Variants in POLDIP3 observed in about 807,000 individuals in gnomAD.
POLDIP3 encodes DNA polymerase delta interacting protein 3.
Under a neutral mutation model 45.1 loss-of-function variants are expected in POLDIP3, and 14 were observed. The ratio of observed to expected loss-of-function variants is 0.31; its 90% CI spans 0.20 to 0.49. POLDIP3 has a LOEUF of 0.49. Among genes scored for constraint, POLDIP3 ranks in the 20% least tolerant of loss-of-function variants. The pLI, the probability that POLDIP3 is intolerant of heterozygous loss-of-function variation, is 0.99. For synonymous variants in POLDIP3, 223 were observed against 205.2 expected (o/e 1.09, Z -0.74); for missense variants, 511 against 538.8 (o/e 0.95, Z 0.51).
At position 42,591,963 on chromosome 22, in the gene POLDIP3, C is replaced by T; in HGVS notation, c.1013G>A (p.Cys338Tyr). 6.2e-7 allele frequency: 1 copy of T among 1,614,224 alleles called. No homozygotes were observed. The highest frequency in any genetic ancestry group is 8.5e-7 in the Non-Finnish European group (1 of 1,180,040). Reference sequence around the variant, plus strand: ...CTTTCTCCCTAACTTACCGTCCAGACACCGGTTGTTGTACTTCTTATATGC... The same window carrying T: ...CTTTCTCCCTAACTTACCGTCCAGATACCGGTTGTTGTACTTCTTATATGC... Reference protein sequence around the residue: ...ITAYKKYNNRCLDGQPMKCNL... With the variant: ...ITAYKKYNNRYLDGQPMKCNL... The change falls in exon 7 of 9, where the codon TGT becomes TAT. Residue 338 changes from cysteine to tyrosine, a missense_variant. Cys to Tyr is a radical substitution (Grantham distance 194). Around this residue, in one of 4 missense-constraint regions of POLDIP3, gnomAD observed 66 missense variants for 118.1 expected, o/e 0.56. Transcript: ENST00000252115.
chr22:42,609,321 C>T (rs548447347), intron 1 of POLDIP3, among the ~76,000 whole-genome samples: 104 of 152,330 alleles, frequency 6.8e-4, no homozygotes, highest in Middle Eastern at 3.4e-3. Flanking sequence ...ACCGAAACTA[C>T]AGCTCTGCAA....
At chr22:42,590,177 GAATAT>G (rs1925577318) in intron 7 of POLDIP3, among the ~76,000 whole-genome samples, 2 of 152,180 alleles carry the variant, frequency 1.3e-5, no homozygotes. Flanking sequence ...GCCATGCTTA[GAATAT>G]ATAGCTGTAA....
intron 4 of POLDIP3, chr22:42,597,652 C>A: frequency 2.2e-6 from 1 of 457,156 alleles, no homozygotes; most frequent in South Asian, 1.6e-5. Flanking sequence ...ATTAGGGTAT[C>A]AAATAGGGAT....
intron 1 of POLDIP3, among the ~76,000 whole-genome samples, chr22:42,613,617 C>T (rs1276717964): frequency 6.6e-6 from 1 of 152,006 alleles, no homozygotes; most frequent in Non-Finnish European, 1.5e-5. Context: ...AAAAATTAGC[C>T]GGGCGTGGTG....
intron 7 of POLDIP3, 34 bp downstream of exon 7, chr22:42,591,921 G>A: frequency 6.2e-7 from 1 of 1,613,294 alleles, no homozygotes; most frequent in Non-Finnish European, 8.5e-7. Flanking sequence ...GAGATGAGTG[G>A]GAGGGTCAGG....
intron 6 of POLDIP3, among the ~76,000 whole-genome samples, chr22:42,594,934 T>A (rs1329935435): frequency 6.6e-6 from 1 of 152,192 alleles, no homozygotes; most frequent in African/African-American, 2.4e-5. Context: ...AGCATAGATA[T>A]CCCCTGACTC....
intron 1 of POLDIP3, among the ~76,000 whole-genome samples, chr22:42,614,038 C>A (rs1927297123): frequency 6.6e-6 from 1 of 152,118 alleles, no homozygotes; most frequent in Admixed American, 6.6e-5. Context: ...TTTCTTCTCC[C>A]TAAGGAAATA....
Position 42,585,621 on chromosome 22 carries a change from G to A in POLDIP3, c.*170C>T. The A allele has an allele frequency of 1.4e-6, 1 of 739,916 alleles. No individual in the cohort carries two copies. Among genetic ancestry groups the A allele is most frequent in the South Asian group, 1.8e-5 (1 of 55,762 alleles). 45.8% of individuals were successfully genotyped at this position (739,916 alleles called of 1,614,324 possible). A position where few individuals can be genotyped will look rare whatever the true frequency, so the allele number is the denominator to read the frequency against. On this transcript the variant is annotated 3_prime_UTR_variant, in exon 9 of 9. Transcript: ENST00000252115. ...AACGTAGAGAGAAGAGCACAGGGCA[G>A]AACACAACACAGAAAGGCGGGTCCC...
intron 1 of POLDIP3, among the ~76,000 whole-genome samples, chr22:42,610,035 G>A (rs548912074): frequency 2.6e-5 from 4 of 152,172 alleles, no homozygotes; most frequent in Non-Finnish European, 5.9e-5. Context: ...TTAGCCGGGC[G>A]TAGTGGCCCA....
intron 6 of POLDIP3, 38 bp from the exon 7 acceptor site, chr22:42,592,122 T>A (rs1268245408): frequency 1.2e-6 from 2 of 1,612,186 alleles, no homozygotes; most frequent in Non-Finnish European, 1.7e-6. Flanking sequence ...GGGGAAGGAT[T>A]TCTCAGCACC....
In POLDIP3 at chr22:42,613,213, G is replaced by A. The variant is rs552996109; in HGVS notation, c.59+1586C>T. On this transcript the variant is annotated intron_variant, in intron 1 of 8. Coordinates refer to ENST00000252115, the MANE Select transcript of POLDIP3 (RefSeq NM_032311.5). ...ACGTGGATGGACTTAGAAGTGGCCA[G>A]AGGAGCCAGCACCAGCTTCACATCA... Among the ~76,000 whole-genome samples, 4 of 152,336 alleles carry A rather than the reference G, an allele frequency of 2.6e-5. No homozygotes were observed. The South Asian group carries it at 6.2e-4, about 24-fold the overall frequency.
At chr22:42,597,402 C>T (rs756000127) in intron 4 of POLDIP3, among the ~76,000 whole-genome samples, 1 of 152,188 alleles carries the variant, frequency 6.6e-6, no homozygotes, top group Non-Finnish European at 1.5e-5. Context: ...CTGAATTCCA[C>T]ATTCCTCATG....
rs993943788 is a variant in POLDIP3 at position 42,584,760 on chromosome 22, A to G, written c.*1031T>C. The G allele has an allele frequency of 3.7e-5, 14 of 379,866 alleles. No individual in the cohort carries two copies. In the East Asian group the frequency reaches 6.5e-4, roughly 18 times the overall value. The allele number at this position is 379,866 out of a possible 1,614,324, so 23.5% of individuals were successfully genotyped here. On this transcript the variant is annotated 3_prime_UTR_variant, in exon 9 of 9. Transcript: ENST00000252115. ...GTCATGGATGGATGGGGTCACTCAC[A>G]TAAGTGGGAACAAACAGTGCCCCTT...
intron 1 of POLDIP3, 44 bp downstream of exon 1, chr22:42,614,755 T>C (rs774855805): frequency 8.1e-6 from 13 of 1,606,720 alleles, no homozygotes; most frequent in Non-Finnish European, 1.1e-5. Context: ...CGAGCTCCAC[T>C]AGGCCGAGGA....
intron 7 of POLDIP3, among the ~76,000 whole-genome samples, chr22:42,588,160 A>T (rs1349430009): frequency 6.6e-6 from 1 of 152,234 alleles, no homozygotes; most frequent in African/African-American, 2.4e-5. Context: ...AAGAGGAACA[A>T]AAAAGTAAAA....
intron 1 of POLDIP3, among the ~76,000 whole-genome samples, chr22:42,603,380 G>T (rs1156608202): frequency 6.6e-6 from 1 of 151,930 alleles, no homozygotes; most frequent in Non-Finnish European, 1.5e-5. Context: ...AAGAGAGAGG[G>T]GCTGGCAAGT....
chr22:42,602,021 G>A lies in POLDIP3; in HGVS notation c.486C>T (p.Pro162=). ...CATTGATTCTCATTCCGGCAGGATG[G>A]GGATGAAGTGGTGCCATGGCTTTCT... is the stretch of plus-strand genomic sequence containing the variant. The part of the protein sequence containing the change: ...PQQKAMAPLH[P]HPAGMRINVV... The change falls in exon 3 of 9, where the codon CCC becomes CCT. Residue 162 remains proline (P), a synonymous_variant. Transcript: ENST00000252115. The A allele has an allele frequency of 1.2e-6, 2 of 1,614,148 alleles. No individual in the cohort carries two copies. Among genetic ancestry groups the A allele is most frequent in the Non-Finnish European group, 1.7e-6 (2 of 1,180,014 alleles).
At chr22:42,605,163 T>A (rs760678002) in intron 1 of POLDIP3, among the ~76,000 whole-genome samples, 2 of 152,252 alleles carry the variant, frequency 1.3e-5, no homozygotes, top group African/African-American at 2.4e-5. Flanking sequence ...AGTCTTGCTC[T>A]GTCATCCAGG....
chr22:42,611,064 C>T (rs1056163013), intron 1 of POLDIP3, among the ~76,000 whole-genome samples: 7 of 152,214 alleles, frequency 4.6e-5, no homozygotes. Context: ...AGGAAGGTAT[C>T]ACTCAAAACC....
Sources: allele counts gnomAD v4.1 joint callset (sites outside exome capture counted in the v4.1 genomes callset), GRCh38; gene constraint gnomAD v4.1.1; regional missense constraint gnomAD v4.1.1; transcripts MANE v1.5; gene names NCBI Gene and HGNC (gene_info 2026-07-23, HGNC 2026-07-21).